FOXP2: variants seen among roughly 807,000 people sequenced by gnomAD.
FOXP2 encodes forkhead box P2.
FOXP2 carries 12 observed loss-of-function variants against 115.8 expected under a neutral mutation model. The ratio of observed to expected loss-of-function variants is 0.10; its 90% CI spans 0.07 to 0.17. The LOEUF (loss-of-function observed/expected upper bound fraction) is 0.17. Among genes scored for constraint, FOXP2 ranks in the 10% least tolerant of loss-of-function variants. The pLI is 1.00. For missense variants in FOXP2, 629 were observed against 843.5 expected (o/e 0.75, Z 3.15); for synonymous variants, 328 against 297.7 (o/e 1.10, Z -1.05).
chr7:114,187,947 C>T (rs1405977525), intron 1 of FOXP2, among the ~76,000 whole-genome samples: 1 of 152,114 alleles, frequency 6.6e-6, no homozygotes, highest in African/African-American at 2.4e-5. Flanking sequence ...TCAGTCCCAC[C>T]CATGAAAGCA....
upstream of FOXP2, among the ~76,000 whole-genome samples, chr7:114,087,072 G>A (rs1288630737): frequency 6.6e-6 from 1 of 151,412 alleles, no homozygotes; most frequent in African/African-American, 2.4e-5. Flanking sequence ...CCCCAACCTC[G>A]GGAGGAGAAA....
chr7:114,431,018 G>T lies in FOXP2; in HGVS notation c.168+4339G>T, dbSNP rs1173950318. 4.0e-5 allele frequency among the ~76,000 whole-genome samples: 6 copies of T among 151,752 alleles called. No homozygotes were observed. In the South Asian group the frequency reaches 1.0e-3, roughly 26 times the overall value. On this transcript the variant is annotated intron_variant, in intron 2 of 16. Transcript: ENST00000350908. Reference sequence around the variant, plus strand: ...AATGGATTTTTTAATTTATAAAAAAGGATTTAAATCTATTTACTATGCAGT... The same window carrying T: ...AATGGATTTTTTAATTTATAAAAAATGATTTAAATCTATTTACTATGCAGT...
chr7:114,642,994 G>A (rs1370430385), intron 7 of FOXP2, among the ~76,000 whole-genome samples: 16 of 150,422 alleles, frequency 1.1e-4, no homozygotes, highest in African/African-American at 3.2e-4. Context: ...ATTTTTTTTA[G>A]TAGAGACGGG....
intron 3 of FOXP2, among the ~76,000 whole-genome samples, chr7:114,565,318 T>C (rs1800959398): frequency 6.6e-6 from 1 of 152,186 alleles, no homozygotes; most frequent in Admixed American, 6.5e-5. Flanking sequence ...ATATAGTTTA[T>C]AGCTCATAGT....
chr7:114,143,152 A>G (rs985869164), intron 1 of FOXP2, among the ~76,000 whole-genome samples: 2 of 145,512 alleles, frequency 1.4e-5, no homozygotes, highest in Admixed American at 6.8e-5. Context: ...TGTCTCAATA[A>G]TAATAATAAT....
intron 1 of FOXP2, among the ~76,000 whole-genome samples, chr7:114,253,792 A>G (rs1478784851): frequency 6.6e-6 from 1 of 152,190 alleles, no homozygotes; most frequent in East Asian, 1.9e-4. Context: ...GTGCATTTAC[A>G]TTTAAGATTA....
intron 3 of FOXP2, among the ~76,000 whole-genome samples, chr7:114,597,649 T>C (rs1375883879): frequency 1.3e-5 from 2 of 152,106 alleles, no homozygotes; most frequent in Non-Finnish European, 2.9e-5. Context: ...TACAGGGTAA[T>C]TGGGGCCATA....
At chr7:114,304,691 AAAAAAG>A (rs1463059884) in intron 2 of FOXP2, among the ~76,000 whole-genome samples, 1 of 150,650 alleles carries the variant, frequency 6.6e-6, no homozygotes, top group Non-Finnish European at 1.5e-5. Context: ...AAAAAAAAAA[AAAAAAG>A]AGTGTGCATG....
chr7:114,522,788 A>C (rs1425410707), intron 2 of FOXP2, among the ~76,000 whole-genome samples: 1 of 152,112 alleles, frequency 6.6e-6, no homozygotes, highest in Non-Finnish European at 1.5e-5. Flanking sequence ...TTTACCACAT[A>C]ATATGCTAAA....
At chr7:114,278,877 C>T (rs1796257606) in intron 1 of FOXP2, among the ~76,000 whole-genome samples, 1 of 152,202 alleles carries the variant, frequency 6.6e-6, no homozygotes, top group Non-Finnish European at 1.5e-5. Flanking sequence ...GTGCCTGACC[C>T]AGTGCATGCC....
At chr7:114,550,594 T>C (rs1800160442) in intron 3 of FOXP2, among the ~76,000 whole-genome samples, 1 of 152,170 alleles carries the variant, frequency 6.6e-6, no homozygotes, top group Non-Finnish European at 1.5e-5. Flanking sequence ...AACATTGAAG[T>C]TATTCAATGA....
chr7:114,534,857 T>C, intron 3 of FOXP2, 151 bp downstream of exon 3: 1 of 686,740 alleles, frequency 1.5e-6, no homozygotes, highest in Non-Finnish European at 2.5e-6. Context: ...TTTTATCTTC[T>C]TAAAGGAGAA....
intron 2 of FOXP2, among the ~76,000 whole-genome samples, chr7:114,371,361 C>A (rs953763070): frequency 6.6e-6 from 1 of 151,670 alleles, no homozygotes; most frequent in Non-Finnish European, 1.5e-5. Flanking sequence ...ACTGGTATTA[C>A]AGGCATGAGC....
At chr7:114,439,831 C>T (rs1176963087) in intron 2 of FOXP2, among the ~76,000 whole-genome samples, 7 of 152,090 alleles carry the variant, frequency 4.6e-5, no homozygotes, top group Non-Finnish European at 1.0e-4. Context: ...GCCTTGACCT[C>T]CACAAGTGCT....
intron 1 of FOXP2, among the ~76,000 whole-genome samples, chr7:114,111,971 A>G (rs931654605): frequency 2.0e-5 from 3 of 152,040 alleles, no homozygotes; most frequent in African/African-American, 7.2e-5. Flanking sequence ...AACTGCTCTG[A>G]TGGACTACTA....
chr7:114,614,308 T>TA (rs5886717), intron 3 of FOXP2, among the ~76,000 whole-genome samples: 20,443 of 152,180 alleles, frequency 0.13, 1,687 homozygotes, highest in African/African-American at 0.23. Context: ...TTAGGTTGAA[T>TA]AATGTTCATA....
intron 2 of FOXP2, among the ~76,000 whole-genome samples, chr7:114,484,112 A>AC (rs1241301720): frequency 6.6e-6 from 1 of 151,702 alleles, no homozygotes; most frequent in Admixed American, 6.6e-5. Context: ...AGGGGGAAAC[A>AC]CCCCCATTTT....
chr7:114,219,290 G>A (rs1224170397), intron 1 of FOXP2, among the ~76,000 whole-genome samples: 2 of 152,032 alleles, frequency 1.3e-5, no homozygotes, highest in Non-Finnish European at 2.9e-5. Flanking sequence ...TCATAAGGTC[G>A]ATTTCAACAA....
intron 3 of FOXP2, among the ~76,000 whole-genome samples, chr7:114,558,127 G>A (rs1441415314): frequency 6.6e-6 from 1 of 152,000 alleles, no homozygotes; most frequent in African/African-American, 2.4e-5. Flanking sequence ...ATATACTAGA[G>A]ATTACTAGTG....
Sources: gnomAD v4.1 joint callset for allele counts (sites outside exome capture counted in the v4.1 genomes callset) on GRCh38, gnomAD v4.1.1 for gene constraint, MANE v1.5 for transcripts, NCBI Gene and HGNC (gene_info 2026-07-23, HGNC 2026-07-21) for gene names.